The following HAUS6 variants were observed in gnomAD, a reference collection of about 807,000 sequenced individuals.
HAUS6 encodes HAUS augmin like complex subunit 6, also known as HAUS augmin-like complex subunit 6.
A neutral mutation model predicts 106.8 loss-of-function variants in HAUS6; 80 were observed. That is an observed-to-expected ratio of 0.75 (90% CI 0.63 to 0.90). The LOEUF (loss-of-function observed/expected upper bound fraction) is 0.90. Among genes scored for constraint, HAUS6 ranks in the 40% least tolerant of loss-of-function variants. The pLI is 0.00. For synonymous variants in HAUS6, 356 were observed against 379.1 expected, an observed-to-expected ratio of 0.94 and a Z score of 0.71; for missense variants, 1,155 against 1,118.1, an observed-to-expected ratio of 1.03 and a Z score of -0.47.
intron 5 of HAUS6, among the ~76,000 whole-genome samples, chr9:19,087,716 G>A (rs1001019388): frequency 1.3e-5 from 2 of 152,044 alleles, no homozygotes; most frequent in South Asian, 2.1e-4. Context: ...TTAGCTGGGT[G>A]TGGTAGAACA....
intron 12 of HAUS6, among the ~76,000 whole-genome samples, chr9:19,066,933 G>T (rs993145692): frequency 6.6e-6 from 1 of 151,742 alleles, no homozygotes; most frequent in African/African-American, 2.4e-5. Context: ...CTTGAGCCCA[G>T]GAGATCAAGG....
chr9:19,098,779 C>A (rs200743422), intron 1 of HAUS6, among the ~76,000 whole-genome samples: 2 of 151,964 alleles, frequency 1.3e-5, no homozygotes, highest in Non-Finnish European at 2.9e-5. Context: ...TCCCAGCACT[C>A]TGGGAGGCCG....
At position 19,069,653 on chromosome 9, in the gene HAUS6, C is replaced by T. The variant is rs558236064; in HGVS notation, c.1376+566G>A. Among the ~76,000 whole-genome samples, 37 of 151,972 alleles carry T rather than the reference C, an allele frequency of 2.4e-4. 1 individual carries two copies. Among genetic ancestry groups the T allele is most frequent in the African/African-American group, 7.5e-4 (31 of 41,466 alleles). ...CGGGGATGTTGCAGTGAGCCAAAAT[C>T]GTGCCATTGCACTCCAGCCTAGGAA... On this transcript the variant is annotated intron_variant, in intron 12 of 16. Transcript: ENST00000380502.
At position 19,054,705 on chromosome 9, in the gene HAUS6, A is replaced by G. The variant is rs1267789570; in HGVS notation, c.*1638T>C. The G allele has an allele frequency of 1.3e-5, 2 of 152,262 alleles. No homozygotes were observed. Among genetic ancestry groups the G allele is most frequent in the Non-Finnish European group, 2.9e-5 (2 of 68,048 alleles). 9.4% of individuals were successfully genotyped at this position (152,262 alleles called of 1,614,324 possible). A position where few individuals can be genotyped will look rare whatever the true frequency, so the allele number is the denominator to read the frequency against. On this transcript the variant is annotated 3_prime_UTR_variant, in exon 17 of 17. Coordinates refer to ENST00000380502, the MANE Select transcript of HAUS6 (RefSeq NM_017645.5). ...TGCAACAACGTACCTGCTTCTTAAA[A>G]GTACCACAGGGTTAAATGTGAATCT...
chr9:19,067,412 A>G (rs973222194), intron 12 of HAUS6, among the ~76,000 whole-genome samples: 2 of 152,194 alleles, frequency 1.3e-5, no homozygotes, highest in African/African-American at 4.8e-5. Context: ...TCTGATATCT[A>G]GCAATGATAA....
chr9:19,066,065 A>T (rs1836754741), intron 12 of HAUS6, among the ~76,000 whole-genome samples: 1 of 150,884 alleles, frequency 6.6e-6, no homozygotes, highest in South Asian at 2.1e-4. Context: ...CCTCCTGAGT[A>T]GCTGGAATTA....
At chr9:19,073,693 A>C (rs1004217851) in intron 11 of HAUS6, 2 of 152,054 alleles carry the variant, frequency 1.3e-5, no homozygotes, top group African/African-American at 4.8e-5. Flanking sequence ...TAAAAATAAA[A>C]GAGATAAAAA....
chr9:19,096,413 A>C (rs1042067578), intron 2 of HAUS6, among the ~76,000 whole-genome samples: 2 of 151,946 alleles, frequency 1.3e-5, no homozygotes, highest in African/African-American at 4.8e-5. Flanking sequence ...AAAAATGCAA[A>C]ACTTAGCTAG....
chr9:19,086,347 G>A (rs904986560), intron 7 of HAUS6, among the ~76,000 whole-genome samples: 2 of 151,582 alleles, frequency 1.3e-5, no homozygotes, highest in Admixed American at 1.3e-4. Flanking sequence ...GAGGCTGGGC[G>A]CGGTGGCTCA....
At position 19,053,947 on chromosome 9, in the gene HAUS6, C is replaced by A. The variant is rs534553300; in HGVS notation, c.*2396G>T. The A allele has an allele frequency of 2.6e-5, 4 of 151,550 alleles. No homozygotes were observed. Among genetic ancestry groups the A allele is most frequent in the Admixed American group, 2.6e-4 (4 of 15,184 alleles). 9.4% of individuals were successfully genotyped at this position (151,550 alleles called of 1,614,324 possible). ...CTATAACTAGAAAGACCACATGCAA[C>A]CATAAAAAATATATAATAAAATCAA... On this transcript the variant is annotated 3_prime_UTR_variant, in exon 17 of 17. Transcript: ENST00000380502.
At chr9:19,063,747 T>C (rs767598597) in intron 12 of HAUS6, 167 bp from the exon 13 acceptor site, 8 of 757,030 alleles carry the variant, frequency 1.1e-5, no homozygotes, top group East Asian at 5.1e-5. Context: ...TGGTGACAAG[T>C]AGAGCAGTAT....
chr9:19,084,285 G>C (rs1043545835), intron 7 of HAUS6, among the ~76,000 whole-genome samples: 7 of 152,120 alleles, frequency 4.6e-5, no homozygotes, highest in Admixed American at 4.6e-4. Flanking sequence ...CTATATACTG[G>C]CATTTATATG....
intron 4 of HAUS6, among the ~76,000 whole-genome samples, chr9:19,091,359 C>T (rs1042447684): frequency 7.3e-5 from 11 of 151,312 alleles, no homozygotes; most frequent in Admixed American, 7.2e-4. Context: ...ATGAGTGTAC[C>T]GAATTTAGAA....
At chr9:19,072,332 G>A (rs1836897787) in intron 11 of HAUS6, among the ~76,000 whole-genome samples, 1 of 152,080 alleles carries the variant, frequency 6.6e-6, no homozygotes. Flanking sequence ...GTTCAACATG[G>A]TGAAACCCCG....
rs1432702190 is a variant in HAUS6, at chr9:19,054,228, C to T, written c.*2115G>A. 1 of 152,064 alleles carries T rather than the reference C, an allele frequency of 6.6e-6. No homozygotes were observed. The highest frequency in any genetic ancestry group is 2.4e-5 in the African/African-American group (1 of 41,382). 9.4% of individuals were successfully genotyped at this position (152,064 alleles called of 1,614,324 possible). ...TCAGTAAAAAAATGGGAGATTACAG[C>T]GGAAGGGGGAGTAGAGGAAATCCGT... On this transcript the variant is annotated 3_prime_UTR_variant, in exon 17 of 17. Coordinates refer to ENST00000380502, the MANE Select transcript of HAUS6 (RefSeq NM_017645.5).
At chr9:19,097,293 T>C (rs1327046170) in intron 1 of HAUS6, among the ~76,000 whole-genome samples, 1 of 152,126 alleles carries the variant, frequency 6.6e-6, no homozygotes, top group Non-Finnish European at 1.5e-5. Context: ...CAAAAGAAAC[T>C]GCCATCAGAG....
At chr9:19,090,666 G>C (rs1218616063) in intron 4 of HAUS6, among the ~76,000 whole-genome samples, 1 of 152,118 alleles carries the variant, frequency 6.6e-6, no homozygotes, top group Non-Finnish European at 1.5e-5. Context: ...CCCAGCCATA[G>C]AATCTTTTAA....
intron 1 of HAUS6, among the ~76,000 whole-genome samples, chr9:19,101,022 T>A (rs1005740293): frequency 6.6e-6 from 1 of 152,200 alleles, no homozygotes; most frequent in Non-Finnish European, 1.5e-5. Context: ...TAGTGTTCAA[T>A]AGTACATAAG....
chr9:19,057,466 T>C (rs1836499207), intron 16 of HAUS6: 1 of 154,056 alleles, frequency 6.5e-6, no homozygotes. Context: ...ATCTAGCCTC[T>C]AGAACTTACT....
Sources: allele counts gnomAD v4.1 joint callset (sites outside exome capture counted in the v4.1 genomes callset), GRCh38; gene constraint gnomAD v4.1.1; transcripts MANE v1.5; gene names NCBI Gene and HGNC (gene_info 2026-07-23, HGNC 2026-07-21).